Variants in RGS12 observed in about 807,000 individuals in gnomAD.
RGS12 encodes the protein regulator of G-protein signaling 12.
In RGS12, 66 loss-of-function variants were observed where a neutral mutation model predicts 120.1. That is an observed-to-expected ratio of 0.55 (90% CI 0.45 to 0.67). RGS12 has a LOEUF of 0.67. RGS12 is among the 30% of genes least tolerant of loss of function. RGS12 has a pLI of 0.00. For missense variants in RGS12, 1,859 were observed against 1,957.7 expected (o/e 0.95, Z 0.95); for synonymous variants, 827 against 804.7 (o/e 1.03, Z -0.47).
In RGS12 at chr4:3,311,236, C is replaced by G. The variant is rs577800845; in HGVS notation, c.-101-4834C>G. ...CACGGGCAGTGCGGACGGGTGCTGG[C>G]TTGGTCTTTCCAGCCCTGCCTCGCT... On this transcript the variant is annotated intron_variant, in intron 1 of 17. Coordinates refer to ENST00000336727, the MANE Select transcript of RGS12 (RefSeq NM_001394154.1). 2.7e-4 allele frequency among the ~76,000 whole-genome samples: 41 copies of G among 152,302 alleles called. No individual in the cohort carries two copies. In the South Asian group the frequency reaches 7.5e-3, roughly 28 times the overall value.
intron 3 of RGS12, among the ~76,000 whole-genome samples, chr4:3,368,380 T>TGTG (rs1400217123): frequency 2.1e-5 from 3 of 145,294 alleles, no homozygotes; most frequent in East Asian, 2.1e-4. Flanking sequence ...TGCCTGTGTG[T>TGTG]GGGTGCCTGT....
intron 2 of RGS12, among the ~76,000 whole-genome samples, chr4:3,331,050 C>G (rs1334204175): frequency 6.6e-6 from 1 of 152,178 alleles, no homozygotes; most frequent in Non-Finnish European, 1.5e-5. Flanking sequence ...GAAGGGGAGA[C>G]TGGTTCTTGC....
intron 7 of RGS12, 136 bp from the exon 8 acceptor site, chr4:3,416,777 C>CG (rs1722445670): frequency 2.6e-6 from 2 of 761,710 alleles, no homozygotes; most frequent in Non-Finnish European, 4.3e-6. Context: ...TCAGGGCTGG[C>CG]GGGGGAAAAT....
At chr4:3,405,106 G>C (rs10035011) in intron 4 of RGS12, among the ~76,000 whole-genome samples, 7,691 of 152,304 alleles carry the variant, frequency 0.05, 619 homozygotes, top group African/African-American at 0.17. Flanking sequence ...CAGGAGGGGG[G>C]CTCTTAGAGC....
rs777921323 is a variant in RGS12, at chr4:3,439,535, C to T, written c.4195C>T (p.Arg1399Trp). ...TCTTGTAACTGGCTCGGCGCCCGGGCGGGATGGTGGCATAGCGGGGGCACA... is the reference window on the plus strand; with the variant it reads ...TCTTGTAACTGGCTCGGCGCCCGGGTGGGATGGTGGCATAGCGGGGGCACA... ...VDLVTGSAPG[R>W]DGGIAGAQAG... Residue 1399 changes from arginine (R) to tryptophan (W), a missense_variant, in exon 18 of 18, where the codon CGG becomes TGG. Arg to Trp is a moderately radical substitution (Grantham distance 101). This residue lies in a region of RGS12 where 517 missense variants were observed against 488.5 expected (regional missense o/e 1.06). Coordinates refer to ENST00000336727, the MANE Select transcript of RGS12 (RefSeq NM_001394154.1). The T allele has an allele frequency of 1.2e-5, 19 of 1,612,424 alleles. No homozygotes were observed. Among genetic ancestry groups the T allele is most frequent in the East Asian group, 4.5e-5 (2 of 44,866 alleles).
chr4:3,392,746 T>C (rs916844619), intron 4 of RGS12, among the ~76,000 whole-genome samples: 5 of 152,194 alleles, frequency 3.3e-5, no homozygotes, highest in Non-Finnish European at 7.3e-5. Flanking sequence ...CCCAGCACTT[T>C]GGGAGGCTGA....
intron 6 of RGS12, 103 bp from the exon 7 acceptor site, chr4:3,415,875 G>A (rs748896559): frequency 1.4e-5 from 18 of 1,268,074 alleles, no homozygotes; most frequent in Admixed American, 2.5e-5. Context: ...ACTGGGGCCC[G>A]TGAGAACACA....
At chr4:3,330,736 T>C (rs187676916) in intron 2 of RGS12, among the ~76,000 whole-genome samples, 1 of 152,338 alleles carries the variant, frequency 6.6e-6, no homozygotes, top group Non-Finnish European at 1.5e-5. Flanking sequence ...TAAAGAAGTA[T>C]AGTTTGAGTA....
At chr4:3,351,655 A>G (rs1013722441) in intron 3 of RGS12, among the ~76,000 whole-genome samples, 2 of 152,164 alleles carry the variant, frequency 1.3e-5, no homozygotes, top group Admixed American at 1.3e-4. Context: ...AGAGATGGAG[A>G]GTTAACCCTG....
chr4:3,431,271 G>A (rs1258699976), intron 17 of RGS12: 13 of 1,210,920 alleles, frequency 1.1e-5, no homozygotes, highest in Non-Finnish European at 1.3e-5. Flanking sequence ...AGGCCTGGGG[G>A]TTTCCGAAAA....
At chr4:3,337,713 T>C (rs1194059381) in intron 2 of RGS12, among the ~76,000 whole-genome samples, 1 of 151,942 alleles carries the variant, frequency 6.6e-6, no homozygotes, top group Admixed American at 6.6e-5. Flanking sequence ...AGAGTGCGTG[T>C]TAAATGGGGG....
intron 1 of RGS12, among the ~76,000 whole-genome samples, chr4:3,297,429 C>G (rs3129311): frequency 2.0e-5 from 3 of 152,304 alleles, no homozygotes; most frequent in African/African-American, 7.2e-5. Flanking sequence ...TTAAGACATT[C>G]TTTTTTTATT....
At chr4:3,337,403 G>C (rs1468504920) in intron 2 of RGS12, among the ~76,000 whole-genome samples, 2 of 152,238 alleles carry the variant, frequency 1.3e-5, no homozygotes, top group Non-Finnish European at 2.9e-5. Flanking sequence ...GTCTTGAGGA[G>C]ATGCTCTTTA....
rs755881021 is a variant in RGS12, at chr4:3,317,719, A to G, written c.1549A>G (p.Ser517Gly). 3 of 1,613,332 alleles carry G rather than the reference A, an allele frequency of 1.9e-6. No individual in the cohort carries two copies. The South Asian group carries it at 3.3e-5, about 18-fold the overall frequency. Residue 517 changes from serine to glycine, a missense_variant, in exon 2 of 18, where the codon AGC becomes GGC. Ser to Gly is a moderately conservative substitution (Grantham distance 56, BLOSUM62 0). Around this residue, in one of 3 missense-constraint regions of RGS12, gnomAD observed 967 missense variants for 994.2 expected, o/e 0.97. Coordinates refer to ENST00000336727, the MANE Select transcript of RGS12 (RefSeq NM_001394154.1). The stretch of plus-strand genomic sequence containing the variant: ...GGAGGTGCCCCCAGCTTCCTTGAGG[A>G]GCTCAGTCCCCCCTTCCAAGAGGGG... ...PVEVPPASLRSSVPPSKRGTV... is the reference protein window; with the variant it reads ...PVEVPPASLRGSVPPSKRGTV...
chr4:3,351,734 A>G (rs1453978857), intron 3 of RGS12, among the ~76,000 whole-genome samples: 1 of 152,182 alleles, frequency 6.6e-6, no homozygotes, highest in Non-Finnish European at 1.5e-5. Flanking sequence ...TTCCTGATGT[A>G]GTTTGCCCAT....
At chr4:3,304,587 A>C (rs1005875247) in intron 1 of RGS12, among the ~76,000 whole-genome samples, 3 of 152,168 alleles carry the variant, frequency 2.0e-5, no homozygotes, top group African/African-American at 7.2e-5. Flanking sequence ...TCATTTGTAA[A>C]ACGGGATAAT....
At chr4:3,353,252 A>T (rs1714543734) in intron 3 of RGS12, among the ~76,000 whole-genome samples, 1 of 152,220 alleles carries the variant, frequency 6.6e-6, no homozygotes, top group Non-Finnish European at 1.5e-5. Context: ...ACTACTGCCT[A>T]GCCTATGTGA....
At chr4:3,378,057 G>A (rs766893746) in intron 3 of RGS12, 1 of 152,100 alleles carries the variant, frequency 6.6e-6, no homozygotes, top group Non-Finnish European at 1.5e-5. Context: ...ATGGAAATTT[G>A]GGAAGAATCC....
intron 2 of RGS12, among the ~76,000 whole-genome samples, chr4:3,330,855 C>T (rs762095612): frequency 2.0e-5 from 3 of 152,194 alleles, no homozygotes; most frequent in Non-Finnish European, 4.4e-5. Context: ...ACTTTGAGAT[C>T]GCTCCTTTAG....
Sources: allele counts gnomAD v4.1 joint callset (sites outside exome capture counted in the v4.1 genomes callset), GRCh38; gene constraint gnomAD v4.1.1; regional missense constraint gnomAD v4.1.1; transcripts MANE v1.5; gene names NCBI Gene and HGNC (gene_info 2026-07-23, HGNC 2026-07-21).